The following ANXA4 variants were observed in gnomAD, a reference collection of about 807,000 sequenced individuals.
The protein encoded by ANXA4 is annexin A4.
A neutral mutation model predicts 49.8 loss-of-function variants in ANXA4; 39 were observed. The observed-to-expected ratio is 0.78, with a 90% CI of 0.61 to 1.02. The LOEUF is 1.02. Ranked by LOEUF, ANXA4 falls within the 50% of genes least tolerant of loss-of-function variation. ANXA4 has a pLI of 0.00. For synonymous variants in ANXA4, 134 were observed against 152.5 expected, an observed-to-expected ratio of 0.88 and a Z score of 0.89; for missense variants, 360 against 410.1, an observed-to-expected ratio of 0.88 and a Z score of 1.05.
chr2:69,802,379 C>A (rs754602763), intron 3 of ANXA4, among the ~76,000 whole-genome samples: 1 of 152,136 alleles, frequency 6.6e-6, no homozygotes, highest in African/African-American at 2.4e-5. Flanking sequence ...TTTTGCATGA[C>A]CGTGGACTTG....
intron 1 of ANXA4, among the ~76,000 whole-genome samples, chr2:69,747,762 C>T (rs1480664404): frequency 1.3e-5 from 2 of 152,040 alleles, no homozygotes; most frequent in African/African-American, 2.4e-5. Flanking sequence ...CATAGCTCAC[C>T]GTACCCACAA....
intron 2 of ANXA4, among the ~76,000 whole-genome samples, chr2:69,708,974 C>T (rs752120903): frequency 6.6e-6 from 1 of 152,066 alleles, no homozygotes; most frequent in Non-Finnish European, 1.5e-5. Flanking sequence ...TTCTTTGTCT[C>T]TTAGGTCACT....
intron 1 of ANXA4, among the ~76,000 whole-genome samples, chr2:69,651,554 G>C (rs574449355): frequency 6.2e-4 from 94 of 152,184 alleles, no homozygotes; most frequent in Non-Finnish European, 1.1e-3. Flanking sequence ...CCAGGCTGGA[G>C]TGCAGTGGCG....
chr2:69,749,677 C>A lies in ANXA4; in HGVS notation c.-47+7502C>A, dbSNP rs530723800. Among the ~76,000 whole-genome samples the A allele has an allele frequency of 3.0e-4, 45 of 152,020 alleles. No homozygotes were observed. The East Asian group carries it at 6.6e-3, about 22-fold the overall frequency. ...GAGGCTCTCACACCTGTAATCCCAG[C>A]ACTTTGGGAGGCTGAGGCAGGCGGA... On this transcript the variant is annotated intron_variant, in intron 1 of 12. Transcript: ENST00000394295.
chr2:69,755,770 T>G (rs1431731369), intron 1 of ANXA4, among the ~76,000 whole-genome samples: 2 of 152,088 alleles, frequency 1.3e-5, no homozygotes, highest in East Asian at 3.8e-4. Context: ...TTTTTAGAGG[T>G]TTTGCAAGCT....
At chr2:69,688,422 G>A (rs930839862) in intron 2 of ANXA4, among the ~76,000 whole-genome samples, 7 of 152,160 alleles carry the variant, frequency 4.6e-5, no homozygotes, top group South Asian at 2.1e-4. Flanking sequence ...AAATTGTGAC[G>A]TCAGCAGCCA....
At chr2:69,650,566 C>G (rs1676194870) in intron 1 of ANXA4, among the ~76,000 whole-genome samples, 1 of 151,870 alleles carries the variant, frequency 6.6e-6, no homozygotes, top group African/African-American at 2.4e-5. Flanking sequence ...TTCAAGGGAT[C>G]CACCCACCTC....
chr2:69,660,476 A>G (rs1040608702), intron 2 of ANXA4, among the ~76,000 whole-genome samples: 1 of 152,204 alleles, frequency 6.6e-6, no homozygotes. Flanking sequence ...ACAAAACAAG[A>G]GCACTGGAGC....
chr2:69,678,553 C>T (rs922484748), intron 2 of ANXA4, among the ~76,000 whole-genome samples: 1 of 151,692 alleles, frequency 6.6e-6, no homozygotes, highest in African/African-American at 2.4e-5. Flanking sequence ...AGCACCACAC[C>T]GGGCTAATTT....
At position 69,820,722 on chromosome 2, in the gene ANXA4, C is replaced by T; in HGVS notation, c.807C>T (p.Thr269=). Residue 269 remains threonine, a synonymous_variant, in exon 12 of 13, where the codon ACC becomes ACT. Coordinates refer to ENST00000394295, the MANE Select transcript of ANXA4 (RefSeq NM_001153.5). The stretch of plus-strand genomic sequence containing the variant: ...AGGGCTTGGGCACCGATGATAACAC[C>T]CTCATCAGAGTGATGGTTTCTCGAG... ...SMKGLGTDDN[T]LIRVMVSRAE... is the part of the protein sequence containing the mutation. 6.2e-7 allele frequency: 1 copy of T among 1,613,970 alleles called. No individual in the cohort carries two copies.
intron 3 of ANXA4, among the ~76,000 whole-genome samples, chr2:69,722,225 A>G (rs1669832979): frequency 6.6e-6 from 1 of 152,228 alleles, no homozygotes. Context: ...TTAAAGGTCT[A>G]TGGTCTATTG....
chr2:69,682,599 A>G (rs1393157739), intron 2 of ANXA4, among the ~76,000 whole-genome samples: 2 of 152,240 alleles, frequency 1.3e-5, no homozygotes, highest in Non-Finnish European at 1.5e-5. Flanking sequence ...AAGCTTAACA[A>G]GTTCTTTCTC....
chr2:69,718,775 T>A (rs751547943), intron 2 of ANXA4, among the ~76,000 whole-genome samples: 4 of 126,296 alleles, frequency 3.2e-5, no homozygotes, highest in Admixed American at 2.8e-4. Flanking sequence ...ACACACACAT[T>A]CACACACATG....
intron 2 of ANXA4, among the ~76,000 whole-genome samples, chr2:69,673,044 A>G (rs186128602): frequency 7.0e-4 from 106 of 152,326 alleles, no homozygotes; most frequent in African/African-American, 2.5e-3. Flanking sequence ...TGGAGAAATA[A>G]GAACACTTTT....
At chr2:69,683,038 C>A (rs1677653292) in intron 2 of ANXA4, among the ~76,000 whole-genome samples, 1 of 152,060 alleles carries the variant, frequency 6.6e-6, no homozygotes, top group Non-Finnish European at 1.5e-5. Flanking sequence ...TAGTATTTGT[C>A]TATATTTTTT....
intron 3 of ANXA4, among the ~76,000 whole-genome samples, chr2:69,797,319 T>C (rs1226359615): frequency 6.6e-6 from 1 of 152,112 alleles, no homozygotes; most frequent in Non-Finnish European, 1.5e-5. Context: ...GCACCATAGT[T>C]GCAGCCCCAT....
upstream of ANXA4, among the ~76,000 whole-genome samples, chr2:69,740,300 A>G (rs1343370790): frequency 6.6e-6 from 1 of 151,990 alleles, no homozygotes; most frequent in Non-Finnish European, 1.5e-5. Context: ...GGGCCTCCCA[A>G]AGTGTTGGGA....
chr2:69,741,194 T>C (rs920989847), upstream of ANXA4, among the ~76,000 whole-genome samples: 6 of 152,134 alleles, frequency 3.9e-5, no homozygotes, highest in Admixed American at 1.3e-4. Context: ...TGGAAAACAC[T>C]CCCCAAACGG....
chr2:69,757,840 T>G (rs1023619689), intron 1 of ANXA4, among the ~76,000 whole-genome samples: 2 of 151,232 alleles, frequency 1.3e-5, no homozygotes, highest in Non-Finnish European at 2.9e-5. Flanking sequence ...GTGCCTATAG[T>G]CCCAGCTACT....
Sources: allele counts gnomAD v4.1 joint callset (sites outside exome capture counted in the v4.1 genomes callset), GRCh38; gene constraint gnomAD v4.1.1; transcripts MANE v1.5; gene names NCBI Gene and HGNC (gene_info 2026-07-23, HGNC 2026-07-21).